The following CMTM4 variants were observed in gnomAD, a reference collection of about 807,000 sequenced individuals.
The protein encoded by CMTM4 is CKLF-like MARVEL transmembrane domain-containing protein 4.
In CMTM4, 8 loss-of-function variants were observed where a neutral mutation model predicts 19.0. The observed-to-expected ratio is 0.42, with a 90% confidence interval of 0.25 to 0.76. CMTM4 has a LOEUF of 0.76. Among genes scored for constraint, CMTM4 ranks in the 30% least tolerant of loss-of-function variants. The probability of loss-of-function intolerance (pLI) is 0.27; values close to 1 mark genes in which losing one functional copy is unlikely to be tolerated. For missense variants in CMTM4, 228 were observed against 290.2 expected, an observed-to-expected ratio of 0.79 and a Z score of 1.56; for synonymous variants, 106 against 121.1, an observed-to-expected ratio of 0.88 and a Z score of 0.82.
At chr16:66,634,170 T>G (rs959385744) in intron 2 of CMTM4, among the ~76,000 whole-genome samples, 8 of 152,176 alleles carry the variant, frequency 5.3e-5, no homozygotes. Flanking sequence ...CTGGGTGTGG[T>G]GGCTCACACC....
In CMTM4 at chr16:66,621,989, G is replaced by C. The variant is rs2015644855; in HGVS notation, c.*69C>G. Reference sequence around the variant, plus strand: ...ACTGAATCACATGGAAATCTGACAGGACAAGGGAAAGAAAACTTGACTGAG... The same window carrying C: ...ACTGAATCACATGGAAATCTGACAGCACAAGGGAAAGAAAACTTGACTGAG... On this transcript the variant is annotated 3_prime_UTR_variant, in exon 4 of 4. Transcript: ENST00000394106. The C allele has an allele frequency of 2.6e-6, 4 of 1,514,574 alleles. No individual in the cohort carries two copies. Among genetic ancestry groups the C allele is most frequent in the Non-Finnish European group, 3.6e-6 (4 of 1,124,492 alleles). 93.8% of individuals were successfully genotyped at this position (1,514,574 alleles called of 1,614,324 possible).
chr16:66,655,376 A>C (rs972167516), intron 1 of CMTM4, among the ~76,000 whole-genome samples: 2 of 152,116 alleles, frequency 1.3e-5, no homozygotes, highest in African/African-American at 4.8e-5. Flanking sequence ...GTCTCTAAAT[A>C]ATATTTCCTA....
intron 1 of CMTM4, among the ~76,000 whole-genome samples, chr16:66,668,167 T>A (rs77871220): frequency 1.0e-5 from 1 of 100,486 alleles, no homozygotes; most frequent in African/African-American, 4.0e-5. Context: ...ACAGAGCTAT[T>A]TTTTTTTTTT....
intron 1 of CMTM4, among the ~76,000 whole-genome samples, chr16:66,680,067 A>G (rs1470949364): frequency 6.6e-6 from 1 of 152,228 alleles, no homozygotes; most frequent in Non-Finnish European, 1.5e-5. Context: ...GGTAACACAA[A>G]TAAAACACTT....
chr16:66,672,338 G>A (rs1017306749), intron 1 of CMTM4, among the ~76,000 whole-genome samples: 3 of 149,134 alleles, frequency 2.0e-5, no homozygotes, highest in African/African-American at 7.4e-5. Flanking sequence ...CCAGGAGACG[G>A]AGGTTGCAAT....
intron 1 of CMTM4, among the ~76,000 whole-genome samples, chr16:66,681,921 T>C (rs2016923023): frequency 6.6e-6 from 1 of 152,146 alleles, no homozygotes; most frequent in Non-Finnish European, 1.5e-5. Flanking sequence ...ACACCCTCCT[T>C]ATTCCAGGCA....
chr16:66,657,443 G>C (rs1222181070), intron 1 of CMTM4, among the ~76,000 whole-genome samples: 1 of 152,086 alleles, frequency 6.6e-6, no homozygotes, highest in African/African-American at 2.4e-5. Context: ...AAGTAATCTT[G>C]TCTTTAGGAC....
rs546272142 is a variant in CMTM4 at position 66,655,265 on chromosome 16, C to T, written c.187-18684G>A. Among the ~76,000 whole-genome samples, 4 of 152,208 alleles carry T rather than the reference C, an allele frequency of 2.6e-5. No individual in the cohort carries two copies. The South Asian group carries it at 8.3e-4, about 32-fold the overall frequency. ...AGATTACAGGCGTGAGGTACTGCGC[C>T]CAGCTGAACTTATTTCTTTTTTAAA... On this transcript the variant is annotated intron_variant, in intron 1 of 3. Transcript: ENST00000394106.
At chr16:66,631,082 T>G (rs1478110391) in intron 2 of CMTM4, among the ~76,000 whole-genome samples, 1 of 149,964 alleles carries the variant, frequency 6.7e-6, no homozygotes, top group Non-Finnish European at 1.5e-5. Flanking sequence ...ATCTGAGAAG[T>G]GAGGAGCCCC....
rs2015580630 is a variant in CMTM4, at chr16:66,619,079, A to C, written c.*2979T>G. 1.0e-6 allele frequency: 1 copy of C among 985,362 alleles called. No individual in the cohort carries two copies. Among genetic ancestry groups the C allele is most frequent in the South Asian group, 4.7e-5 (1 of 21,294 alleles). 61.0% of individuals were successfully genotyped at this position (985,362 alleles called of 1,614,324 possible). ...ACTTCTCTGACGAGATTTTAATCTGAAACTGCATCTGTTCTTCCCAGCTTT... is the reference window on the plus strand; with the variant it reads ...ACTTCTCTGACGAGATTTTAATCTGCAACTGCATCTGTTCTTCCCAGCTTT... On this transcript the variant is annotated 3_prime_UTR_variant, in exon 4 of 4. Coordinates refer to ENST00000394106, the MANE Select transcript of CMTM4 (RefSeq NM_181521.3).
chr16:66,613,002 G>A, downstream of CMTM4: 1 of 701,354 alleles, frequency 1.4e-6, no homozygotes, highest in Non-Finnish European at 2.6e-6. Flanking sequence ...CGGGGGTCGG[G>A]GGTCTTCTGT....
chr16:66,693,978 TGCCAC>T (rs1195933937), intron 1 of CMTM4, among the ~76,000 whole-genome samples: 3 of 151,570 alleles, frequency 2.0e-5, no homozygotes, highest in Admixed American at 1.3e-4. Context: ...GCCAAGATTG[TGCCAC>T]TGCACTCCAG....
At chr16:66,608,341 G>A in the CMTM4 span, 1 of 1,614,178 alleles carries the variant, frequency 6.2e-7, no homozygotes, top group South Asian at 1.1e-5. This position sits in a 1 kb window ranked among gnomAD's most constrained non-coding sequence, Gnocchi z 5.1. Context: ...TCTGCTATGT[G>A]GCGTCCTCAG....
chr16:66,651,658 A>G (rs958059450), intron 1 of CMTM4, among the ~76,000 whole-genome samples: 1 of 152,214 alleles, frequency 6.6e-6, no homozygotes, highest in Non-Finnish European at 1.5e-5. Context: ...TTTCTCTTCA[A>G]GGAAAGCAAT....
intron 2 of CMTM4, among the ~76,000 whole-genome samples, chr16:66,629,011 G>GTTGTT (rs886993349): frequency 5.9e-5 from 9 of 151,686 alleles, no homozygotes; most frequent in South Asian, 2.1e-4. Context: ...GGGTTTTTTT[G>GTTGTT]TTGTTTTGTT....
intron 2 of CMTM4, among the ~76,000 whole-genome samples, chr16:66,627,266 C>A (rs1284786059): frequency 1.3e-5 from 2 of 152,000 alleles, no homozygotes; most frequent in Admixed American, 6.6e-5. Flanking sequence ...ATGTAAGGTA[C>A]AATAATTTAA....
chr16:66,618,659 G>C lies in CMTM4; in HGVS notation c.*3399C>G. The C allele has an allele frequency of 1.0e-6, 1 of 985,516 alleles. No homozygotes were observed. Among genetic ancestry groups the C allele is most frequent in the Non-Finnish European group, 1.2e-6 (1 of 829,960 alleles). 61.0% of individuals were successfully genotyped at this position (985,516 alleles called of 1,614,324 possible). A position where few individuals can be genotyped will look rare whatever the true frequency, so the allele number is the denominator to read the frequency against. ...CGTACATGAGTGCACAAAGGTGTTG[G>C]AGCTTGGTCTCCTCAGGCTTAACCC... On this transcript the variant is annotated 3_prime_UTR_variant, in exon 4 of 4. Coordinates refer to ENST00000394106, the MANE Select transcript of CMTM4 (RefSeq NM_181521.3).
At chr16:66,652,352 G>A (rs1034991729) in intron 1 of CMTM4, among the ~76,000 whole-genome samples, 3 of 152,160 alleles carry the variant, frequency 2.0e-5, no homozygotes, top group Non-Finnish European at 4.4e-5. Context: ...TGAAGGCACC[G>A]TTTTCCACTG....
At chr16:66,643,741 AC>A (rs1265305090) in intron 1 of CMTM4, among the ~76,000 whole-genome samples, 3 of 152,028 alleles carry the variant, frequency 2.0e-5, no homozygotes, top group African/African-American at 7.2e-5. Context: ...AACAGCAAGT[AC>A]TTCTTATTTT....
Sources: gnomAD v4.1 joint callset for allele counts (sites outside exome capture counted in the v4.1 genomes callset) on GRCh38, gnomAD v4.1.1 for gene constraint, Gnocchi (gnomAD v3.1) non-coding constraint, MANE v1.5 for transcripts, NCBI Gene and HGNC (gene_info 2026-07-23, HGNC 2026-07-21) for gene names.